The following VCL variants were observed in gnomAD, a reference collection of about 807,000 sequenced individuals.
VCL encodes epididymis luminal protein 114.
A neutral mutation model predicts 125.7 loss-of-function variants in VCL; 47 were observed. That is an observed-to-expected ratio of 0.37 (90% CI 0.30 to 0.48). VCL has a LOEUF of 0.48. Among genes scored for constraint, VCL ranks in the 20% least tolerant of loss-of-function variants. The probability of loss-of-function intolerance (pLI) is 0.99; values close to 1 mark genes in which losing one functional copy is unlikely to be tolerated. For synonymous variants in VCL, 458 were observed against 514.6 expected, an observed-to-expected ratio of 0.89 and a Z score of 1.49; for missense variants, 1,069 against 1,455.5, an observed-to-expected ratio of 0.73 and a Z score of 4.32.
At chr10:74,038,529 A>T (rs571224515) in intron 1 of VCL, among the ~76,000 whole-genome samples, 40 of 152,240 alleles carry the variant, frequency 2.6e-4, no homozygotes, top group Admixed American at 1.3e-3. Flanking sequence ...GCCAGAGTGT[A>T]TTGAGCAATC....
rs121917776 is a variant in VCL at position 74,112,086 on chromosome 10, C to T, written c.2923C>T (p.Arg975Trp). ...PILAAAQSLH[R>W]EATKWSSKGN... Reference sequence around the variant, plus strand: ...TCTGGCCGCGGCTCAGTCCTTGCATCGGGAAGCTACCAAGTGGTCTAGTAA... The same window carrying T: ...TCTGGCCGCGGCTCAGTCCTTGCATTGGGAAGCTACCAAGTGGTCTAGTAA... The change falls in exon 19 of 22, where the codon CGG (arginine) becomes TGG (tryptophan). Residue 975 changes from arginine (R) to tryptophan (W), a missense_variant. By Grantham distance (101) the Arg-to-Trp change is moderately radical. Coordinates refer to ENST00000211998, the MANE Select transcript of VCL (RefSeq NM_014000.3). The T allele has an allele frequency of 4.7e-5, 76 of 1,614,168 alleles. No homozygotes were observed. Among genetic ancestry groups the T allele is most frequent in the South Asian group, 6.6e-5 (6 of 91,074 alleles).
rs1273948457 is a variant in VCL at position 74,096,942 on chromosome 10, G to A, written c.1744-262G>A. Among the ~76,000 whole-genome samples, 3 of 152,224 alleles carry A rather than the reference G, an allele frequency of 2.0e-5. No homozygotes were observed. The East Asian group carries it at 5.8e-4, about 29-fold the overall frequency. Reference sequence around the variant, plus strand: ...CATTTCATGGAGGCCACCAAAAAAGGAAGTAGGGTTCCTTGATTGAGTGGA... The same window carrying A: ...CATTTCATGGAGGCCACCAAAAAAGAAAGTAGGGTTCCTTGATTGAGTGGA... On this transcript the variant is annotated intron_variant, in intron 12 of 21. Transcript: ENST00000211998.
chr10:74,074,870 C>T lies in VCL; in HGVS notation c.750C>T (p.Leu250=). ...EINEIIRVLQ[L]TSWDEDAWAS... ...ATGAGATAATTCGTGTGTTACAACT[C>T]ACCTCTTGGGATGAAGATGCCTGGG... is the stretch of plus-strand genomic sequence containing the variant. The change falls in exon 6 of 22, where the codon CTC becomes CTT. Residue 250 remains leucine (L), a synonymous_variant. Coordinates refer to ENST00000211998, the MANE Select transcript of VCL (RefSeq NM_014000.3). 6.2e-7 allele frequency: 1 copy of T among 1,614,150 alleles called. No individual in the cohort carries two copies. The highest frequency in any genetic ancestry group is 8.5e-7 in the Non-Finnish European group (1 of 1,180,018).
chr10:74,090,243 C>T (rs772200884), intron 10 of VCL, 45 bp downstream of exon 10: 1 of 1,603,202 alleles, frequency 6.2e-7, no homozygotes, highest in East Asian at 2.2e-5. Flanking sequence ...CTTTTCTTCT[C>T]TTTCTCTCTC....
chr10:74,014,300 C>T (rs1331632300), intron 1 of VCL, among the ~76,000 whole-genome samples: 3 of 151,970 alleles, frequency 2.0e-5, no homozygotes, highest in Admixed American at 6.6e-5. Flanking sequence ...GGCTCAATCT[C>T]GGCTCACTGC....
intron 18 of VCL, among the ~76,000 whole-genome samples, chr10:74,111,002 T>C (rs1160826885): frequency 6.6e-6 from 1 of 152,196 alleles, no homozygotes; most frequent in Non-Finnish European, 1.5e-5. Context: ...TCACATATTA[T>C]TCTATCTGTG....
intron 2 of VCL, among the ~76,000 whole-genome samples, chr10:74,060,349 G>T (rs1010820572): frequency 6.6e-6 from 1 of 151,718 alleles, no homozygotes; most frequent in African/African-American, 2.4e-5. Context: ...TAGTCTAAAA[G>T]AACCCTTAAA....
intron 2 of VCL, among the ~76,000 whole-genome samples, chr10:74,061,483 GAAA>G (rs1841477870): frequency 6.6e-6 from 1 of 151,724 alleles, no homozygotes; most frequent in African/African-American, 2.4e-5. Context: ...TTCCAAATTT[GAAA>G]AACTTATACA....
At chr10:74,025,224 G>A (rs1414971321) in intron 1 of VCL, among the ~76,000 whole-genome samples, 1 of 151,984 alleles carries the variant, frequency 6.6e-6, no homozygotes, top group African/African-American at 2.4e-5. Context: ...CACCATGTTG[G>A]CCTGGCTGGT....
In VCL at chr10:74,028,077, GT is replaced by G. The variant is rs1333726282; in HGVS notation, c.169-15003del. Among the ~76,000 whole-genome samples the G allele has an allele frequency of 9.9e-5, 15 of 151,958 alleles. No homozygotes were observed. The East Asian group carries it at 2.5e-3, about 25-fold the overall frequency. On this transcript the variant is annotated intron_variant, in intron 1 of 21. Transcript: ENST00000211998. ...TGGGAATAAGACTGAGGGTTTTTTTGTTTGTTTTTGTTTTTTAAGACAGGAT... is the reference window on the plus strand; with the variant it reads ...TGGGAATAAGACTGAGGGTTTTTTTGTTGTTTTTGTTTTTTAAGACAGGAT...
In VCL at chr10:74,009,014, G is replaced by GA. The variant is rs148344397; in HGVS notation, c.168+10643dup. Among the ~76,000 whole-genome samples, 1,418 of 152,264 alleles carry GA rather than the reference G, an allele frequency of 9.3e-3. 19 individuals are homozygous for GA. Among genetic ancestry groups the GA allele is most frequent in the African/African-American group, 0.032 (1,337 of 41,558 alleles). On this transcript the variant is annotated intron_variant, in intron 1 of 21. Coordinates refer to ENST00000211998, the MANE Select transcript of VCL (RefSeq NM_014000.3). ...TCCTTAAGAGTTAGCTTTTGGGGGG[G>GA]AAAATTCAAGTCTGTAATAAGACTG...
intron 1 of VCL, among the ~76,000 whole-genome samples, chr10:74,012,308 C>T (rs1840450564): frequency 6.6e-6 from 1 of 152,144 alleles, no homozygotes; most frequent in South Asian, 2.1e-4. Flanking sequence ...ATCAGCAACA[C>T]TTAAATTTCT....
At chr10:74,114,057 C>G in intron 19 of VCL, 127 bp from the exon 20 acceptor site, 1 of 1,094,716 alleles carries the variant, frequency 9.1e-7, no homozygotes, top group Non-Finnish European at 1.3e-6. Flanking sequence ...GCCCTTTTCT[C>G]CTCTTCTCAC....
chr10:74,102,337 GAA>G (rs67026405), intron 14 of VCL, among the ~76,000 whole-genome samples: 1 of 150,732 alleles, frequency 6.6e-6, no homozygotes, highest in South Asian at 2.1e-4. Flanking sequence ...GGAAGATTGG[GAA>G]AAAAAACCAA....
chr10:74,103,909 T>G lies in VCL; in HGVS notation c.2112T>G (p.Asp704Glu). The G allele has an allele frequency of 6.2e-7, 1 of 1,614,108 alleles. No homozygotes were observed. ...HFETMKNQWI[D>E]NVEKMTGLVD... The stretch of plus-strand genomic sequence containing the variant: ...AGACCATGAAGAACCAGTGGATCGA[T>G]AATGTTGAAAAAATGACAGGTAGAG... The change falls in exon 15 of 22, where the codon GAT (aspartate) becomes GAG (glutamate). Residue 704 changes from aspartate (D) to glutamate (E), a missense_variant. This residue lies in a region of VCL where 760 missense variants were observed against 928.9 expected (regional missense o/e 0.82). Coordinates refer to ENST00000211998, the MANE Select transcript of VCL (RefSeq NM_014000.3).
rs1299895968 is a variant in VCL, at chr10:74,070,794, C to T, written c.364C>T (p.Leu122=). 6.2e-7 allele frequency: 1 copy of T among 1,613,978 alleles called. No individual in the cohort carries two copies. Among genetic ancestry groups the T allele is most frequent in the African/African-American group, 1.3e-5 (1 of 74,916 alleles). Residue 122 remains leucine, a synonymous_variant, in exon 3 of 22, where the codon CTG becomes TTG. Coordinates refer to ENST00000211998, the MANE Select transcript of VCL (RefSeq NM_014000.3). Reference sequence around the variant, plus strand: ...GGGCATCCTCTCTGGAACATCAGACCTGCTCCTTACCTTCGATGAGGCTGA... The same window carrying T: ...GGGCATCCTCTCTGGAACATCAGACTTGCTCCTTACCTTCGATGAGGCTGA... ...SRGILSGTSD[L]LLTFDEAEVR...
chr10:74,033,589 CT>C (rs1260551486), intron 1 of VCL, among the ~76,000 whole-genome samples: 1 of 152,148 alleles, frequency 6.6e-6, no homozygotes, highest in Non-Finnish European at 1.5e-5. Context: ...TTCTTTCCAG[CT>C]TTTTTCACCA....
At chr10:74,101,579 C>T (rs1254302851) in intron 14 of VCL, among the ~76,000 whole-genome samples, 10 of 119,858 alleles carry the variant, frequency 8.3e-5, no homozygotes, top group South Asian at 5.2e-4. Flanking sequence ...GACGGAGTCT[C>T]GCTCTGTCGC....
intron 6 of VCL, chr10:74,075,193 A>G (rs1406979631): frequency 2.0e-5 from 8 of 407,576 alleles, no homozygotes; most frequent in Non-Finnish European, 3.6e-5. Flanking sequence ...GGACTGGTGG[A>G]AGAGTATATT....
Sources: gnomAD v4.1 joint callset for allele counts (sites outside exome capture counted in the v4.1 genomes callset) on GRCh38, gnomAD v4.1.1 for gene constraint, gnomAD v4.1.1 regional missense constraint, MANE v1.5 for transcripts, NCBI Gene and HGNC (gene_info 2026-07-23, HGNC 2026-07-21) for gene names.